The following SMIM14 variants were observed in gnomAD, a reference collection of about 807,000 sequenced individuals.
SMIM14 encodes the protein small integral membrane protein 14, also known as chromosome 4 open reading frame 34.
In SMIM14, 5 loss-of-function variants were observed where a neutral mutation model predicts 12.6. The observed-to-expected ratio is 0.40, with a 90% CI of 0.21 to 0.83. The LOEUF is 0.83. SMIM14 is among the 40% of genes least tolerant of loss of function. The pLI is 0.37. For synonymous variants in SMIM14, 30 were observed against 40.1 expected (o/e 0.75, Z 0.95); for missense variants, 86 against 119.1 (o/e 0.72, Z 1.29).
intron 2 of SMIM14, among the ~76,000 whole-genome samples, chr4:39,577,863 C>CTGGTGTTGG (rs1379493629): frequency 1.3e-5 from 2 of 152,176 alleles, no homozygotes; most frequent in African/African-American, 2.4e-5. Flanking sequence ...GTCTTTGGGA[C>CTGGTGTTGG]ATCTTGCCAA....
intron 2 of SMIM14, among the ~76,000 whole-genome samples, chr4:39,578,549 G>A (rs1713322319): frequency 6.6e-6 from 1 of 152,058 alleles, no homozygotes; most frequent in Non-Finnish European, 1.5e-5. Context: ...TGTGGGGATG[G>A]GTGCCACATG....
At position 39,629,432 on chromosome 4, in the gene SMIM14, C is replaced by T. The variant is rs116485747; in HGVS notation, c.-36+9307G>A. Among the ~76,000 whole-genome samples the T allele has an allele frequency of 3.2e-3, 450 of 138,682 alleles. 2 individuals are homozygous for T. The highest frequency in any genetic ancestry group is 0.011 in the African/African-American group (439 of 38,208). The allele number at this position is 138,682 out of a possible 152,430, so 91.0% of individuals were successfully genotyped here. On this transcript the variant is annotated intron_variant, in intron 1 of 4. Coordinates refer to ENST00000295958, the MANE Select transcript of SMIM14 (RefSeq NM_174921.3). ...TGTTGATCCCACATAATAGTGCATA[C>T]AAGTAACTTATAAATGATTTTTTTT... is the stretch of plus-strand genomic sequence containing the variant.
intron 4 of SMIM14, among the ~76,000 whole-genome samples, chr4:39,554,429 G>A (rs1249388736): frequency 2.6e-5 from 4 of 152,124 alleles, no homozygotes; most frequent in Non-Finnish European, 5.9e-5. Flanking sequence ...CCAACATGGT[G>A]AAACCCCATC....
rs1287812383 is a variant in SMIM14 at position 39,552,093 on chromosome 4, G to T, written c.*33C>A. ...ATCTTCGTTCGTTTGGTCGTGCAAG[G>T]TGTTAACTATTTTCACTTCCCATAT... On this transcript the variant is annotated 3_prime_UTR_variant, in exon 5 of 5. Transcript: ENST00000295958. 7.0e-6 allele frequency: 11 copies of T among 1,577,562 alleles called. No individual in the cohort carries two copies. Among genetic ancestry groups the T allele is most frequent in the Non-Finnish European group, 9.5e-6 (11 of 1,159,706 alleles).
rs550858041 is a variant in SMIM14 at position 39,585,239 on chromosome 4, T to C, written c.76-12776A>G. On this transcript the variant is annotated intron_variant, in intron 2 of 4. Transcript: ENST00000295958. ...AGGGACATGTTTACATTTTGCTCCA[T>C]ATTTCTACATTATTTCAGGCTTTCA... is the stretch of plus-strand genomic sequence containing the variant. Among the ~76,000 whole-genome samples the C allele has an allele frequency of 2.0e-5, 3 of 152,110 alleles. No individual in the cohort carries two copies. In the East Asian group the frequency reaches 5.8e-4, roughly 29 times the overall value.
At chr4:39,624,017 A>T (rs1273948576) in intron 1 of SMIM14, among the ~76,000 whole-genome samples, 1 of 152,228 alleles carries the variant, frequency 6.6e-6, no homozygotes, top group Admixed American at 6.5e-5. Flanking sequence ...GAAAACAGAG[A>T]TACTGGTCAA....
At chr4:39,554,717 C>A (rs1578306534) in intron 4 of SMIM14, among the ~76,000 whole-genome samples, 4 of 109,188 alleles carry the variant, frequency 3.7e-5, no homozygotes, top group East Asian at 3.1e-4. Context: ...TAAATTTTAA[C>A]ATTTATTTAA....
intron 1 of SMIM14, among the ~76,000 whole-genome samples, chr4:39,615,784 A>G (rs963075172): frequency 6.6e-6 from 1 of 152,220 alleles, no homozygotes; most frequent in Non-Finnish European, 1.5e-5. Flanking sequence ...GATCATGGGT[A>G]ACTGAAAACT....
intron 2 of SMIM14, chr4:39,592,968 A>C (rs1440484090): frequency 6.6e-6 from 1 of 152,116 alleles, no homozygotes; most frequent in Non-Finnish European, 1.5e-5. Context: ...GAATTCTACC[A>C]GAGGTACAAG....
At chr4:39,606,733 G>A (rs1714826756) in intron 1 of SMIM14, among the ~76,000 whole-genome samples, 1 of 151,976 alleles carries the variant, frequency 6.6e-6, no homozygotes, top group African/African-American at 2.4e-5. Context: ...CCCTATCACT[G>A]GCCCAGTTTA....
intron 2 of SMIM14, among the ~76,000 whole-genome samples, chr4:39,597,579 G>T (rs1009629844): frequency 1.3e-5 from 2 of 151,720 alleles, no homozygotes; most frequent in Non-Finnish European, 2.9e-5. Context: ...GAGTAGCTGG[G>T]ATTACAGGCA....
At chr4:39,616,978 A>G (rs563661707) in intron 1 of SMIM14, among the ~76,000 whole-genome samples, 1 of 152,314 alleles carries the variant, frequency 6.6e-6, no homozygotes, top group South Asian at 2.1e-4. Flanking sequence ...AACTTGGGGA[A>G]GAATTATTGT....
chr4:39,564,776 T>A (rs1218435915), intron 3 of SMIM14, among the ~76,000 whole-genome samples: 2 of 152,162 alleles, frequency 1.3e-5, no homozygotes, highest in Non-Finnish European at 2.9e-5. Flanking sequence ...GGCTGTCAGT[T>A]GTGAGATTAT....
intron 1 of SMIM14, among the ~76,000 whole-genome samples, chr4:39,614,217 A>T (rs1715138225): frequency 6.6e-6 from 1 of 151,900 alleles, no homozygotes; most frequent in South Asian, 2.1e-4. Context: ...AATTCAAAAT[A>T]ATCGAGGAGC....
chr4:39,636,355 C>A (rs1716091992), intron 1 of SMIM14, among the ~76,000 whole-genome samples: 1 of 152,102 alleles, frequency 6.6e-6, no homozygotes, highest in Non-Finnish European at 1.5e-5. Flanking sequence ...TTCATATTAT[C>A]CTCAGGCTGT....
chr4:39,635,599 C>A (rs1716058812), intron 1 of SMIM14, among the ~76,000 whole-genome samples: 1 of 151,710 alleles, frequency 6.6e-6, no homozygotes. Context: ...ATACTATAAG[C>A]CAAATCAAAG....
At chr4:39,613,378 G>A (rs1323365543) in intron 1 of SMIM14, among the ~76,000 whole-genome samples, 1 of 152,194 alleles carries the variant, frequency 6.6e-6, no homozygotes, top group African/African-American at 2.4e-5. Flanking sequence ...CACTTCTGTG[G>A]AACTTTCTTC....
intron 1 of SMIM14, among the ~76,000 whole-genome samples, chr4:39,619,857 T>C (rs1715402878): frequency 1.7e-5 from 1 of 60,398 alleles, no homozygotes. Context: ...TATTTATATA[T>C]ATTTATATAT....
At chr4:39,582,510 CGAAATTAGCTGGGTGTGGTGGTG>C (rs1560292174) in intron 2 of SMIM14, among the ~76,000 whole-genome samples, 9 of 151,452 alleles carry the variant, frequency 5.9e-5, no homozygotes, top group Non-Finnish European at 8.8e-5. Context: ...ACTAAAAATA[CGAAATTAGCTGGGTGTGGTGGTG>C]CACGGCTGTA....
Sources: allele counts gnomAD v4.1 joint callset (sites outside exome capture counted in the v4.1 genomes callset), GRCh38; gene constraint gnomAD v4.1.1; transcripts MANE v1.5; gene names NCBI Gene and HGNC (gene_info 2026-07-23, HGNC 2026-07-21).